The following SPTLC1 variants were observed in gnomAD, a reference collection of about 807,000 sequenced individuals.
SPTLC1 encodes serine palmitoyltransferase 1.
A neutral mutation model predicts 68.9 loss-of-function variants in SPTLC1; 55 were observed. The observed-to-expected ratio is 0.80, with a 90% CI of 0.64 to 1.00. The LOEUF is 1.00. Ranked by LOEUF, SPTLC1 falls within the 50% of genes least tolerant of loss-of-function variation. The probability of loss-of-function intolerance (pLI) is 0.00; values close to 1 mark genes in which losing one functional copy is unlikely to be tolerated. For synonymous variants in SPTLC1, 197 were observed against 201.6 expected (o/e 0.98, Z 0.19); for missense variants, 449 against 573.1 (o/e 0.78, Z 2.21).
In SPTLC1 at chr9:92,055,531, T is replaced by C. The variant is rs1320685155; in HGVS notation, c.691-37A>G. 4 of 1,602,072 alleles carry C rather than the reference T, an allele frequency of 2.5e-6. No homozygotes were observed. The East Asian group carries it at 8.9e-5, about 36-fold the overall frequency. On this transcript the variant is annotated intron_variant, in intron 7 of 14. Transcript: ENST00000262554. Reference sequence around the variant, plus strand: ...AAAAAGCAGACATCTTACATTTCAGTAACTCTGAAGACAAGATCTGTTACA... The same window carrying C: ...AAAAAGCAGACATCTTACATTTCAGCAACTCTGAAGACAAGATCTGTTACA...
chr9:92,033,988 G>T (rs1833057469), intron 14 of SPTLC1, among the ~76,000 whole-genome samples: 1 of 152,190 alleles, frequency 6.6e-6, no homozygotes, highest in South Asian at 2.1e-4. Context: ...CTGGCCTCAG[G>T]ACCCTTCTCT....
At chr9:92,045,898 T>C in intron 12 of SPTLC1, 101 bp downstream of exon 12, 1 of 1,086,696 alleles carries the variant, frequency 9.2e-7, no homozygotes, top group South Asian at 1.4e-5. Context: ...TTAGCTGCAA[T>C]CTGGTCAAAC....
chr9:92,099,881 G>T (rs1835682393), intron 3 of SPTLC1, among the ~76,000 whole-genome samples: 1 of 152,148 alleles, frequency 6.6e-6, no homozygotes, highest in Non-Finnish European at 1.5e-5. Context: ...TGTATAGTTT[G>T]TGACCTAGGA....
chr9:92,097,482 A>T (rs1835573527), intron 3 of SPTLC1, among the ~76,000 whole-genome samples: 1 of 152,246 alleles, frequency 6.6e-6, no homozygotes, highest in South Asian at 2.1e-4. Flanking sequence ...CCATACACTG[A>T]AATATTATTT....
At position 92,040,304 on chromosome 9, in the gene SPTLC1, A is replaced by G. The variant is rs185482981; in HGVS notation, c.1137-1939T>C. On this transcript the variant is annotated intron_variant, in intron 12 of 14. Transcript: ENST00000262554. The stretch of plus-strand genomic sequence containing the variant: ...ACAATCGCTTGAACCTGGGAGGCAG[A>G]GGTTGCAATGAGCTGAGATCGTGCC... 2.6e-3 allele frequency among the ~76,000 whole-genome samples: 392 copies of G among 152,184 alleles called. 2 individuals carry two copies. The highest frequency in any genetic ancestry group is 8.9e-3 in the African/African-American group (371 of 41,524).
intron 5 of SPTLC1, chr9:92,079,772 CT>C (rs1276658456): frequency 1.2e-5 from 8 of 651,632 alleles, no homozygotes; most frequent in African/African-American, 9.1e-5. Context: ...GTTCCTCACG[CT>C]GCAATCCCCA....
At chr9:92,037,100 G>A (rs1564080221) in intron 13 of SPTLC1, among the ~76,000 whole-genome samples, 3 of 152,256 alleles carry the variant, frequency 2.0e-5, no homozygotes, top group Admixed American at 1.3e-4. Context: ...TCCAGATTAC[G>A]TGGCTCAAAC....
At chr9:92,058,037 G>C (rs1366765137) in intron 7 of SPTLC1, among the ~76,000 whole-genome samples, 1 of 152,184 alleles carries the variant, frequency 6.6e-6, no homozygotes. Context: ...ACTGAAAACA[G>C]ACTAGCTTTC....
At position 92,067,971 on chromosome 9, in the gene SPTLC1, A is replaced by C. The variant is rs768355407; in HGVS notation, c.555T>G (p.Val185=). ...ACTACGTAAAGTTTACTTACACAAA[A>C]ACAATGTCCCCTCTTTTAGAGTAAG... The part of the protein sequence containing the change: ...IPAYSKRGDI[V]FVDRAACFAI... The change falls in exon 6 of 15, where the codon GTT becomes GTG. Residue 185 remains valine, a synonymous_variant. Transcript: ENST00000262554. The C allele has an allele frequency of 1.4e-5, 23 of 1,613,964 alleles. No individual in the cohort carries two copies. Among genetic ancestry groups the C allele is most frequent in the Non-Finnish European group, 1.9e-5 (23 of 1,179,982 alleles).
intron 5 of SPTLC1, among the ~76,000 whole-genome samples, chr9:92,073,066 G>A (rs1834555103): frequency 1.3e-5 from 2 of 151,740 alleles, no homozygotes; most frequent in Admixed American, 1.3e-4. Context: ...ACCTGCTCTG[G>A]CTTACAATTT....
intron 3 of SPTLC1, among the ~76,000 whole-genome samples, chr9:92,092,683 C>T (rs753577246): frequency 1.6e-4 from 24 of 152,046 alleles, no homozygotes; most frequent in Non-Finnish European, 2.5e-4. Flanking sequence ...TGCAGTGAGC[C>T]GAGATTGCGC....
At chr9:92,068,242 A>G in intron 5 of SPTLC1, 144 bp from the exon 6 acceptor site, 1 of 772,008 alleles carries the variant, frequency 1.3e-6, no homozygotes, top group East Asian at 2.7e-5. Flanking sequence ...ATGATAGATT[A>G]TACAAGATCT....
intron 3 of SPTLC1, among the ~76,000 whole-genome samples, chr9:92,097,580 T>C (rs1183881324): frequency 2.0e-5 from 3 of 152,214 alleles, no homozygotes; most frequent in Admixed American, 6.5e-5. Flanking sequence ...AAACAAAGGC[T>C]AAGTATTGTT....
intron 14 of SPTLC1, among the ~76,000 whole-genome samples, chr9:92,033,910 G>A (rs758792707): frequency 6.6e-6 from 1 of 152,180 alleles, no homozygotes; most frequent in Non-Finnish European, 1.5e-5. Context: ...ATCCTGGTCT[G>A]GCACTGTGGG....
intron 3 of SPTLC1, among the ~76,000 whole-genome samples, chr9:92,091,671 G>A (rs936233631): frequency 1.3e-5 from 2 of 152,262 alleles, no homozygotes; most frequent in Non-Finnish European, 2.9e-5. Flanking sequence ...TGGGAAAATT[G>A]TGAATCACCT....
In SPTLC1 at chr9:92,082,958, T is replaced by C. The variant is rs562919774; in HGVS notation, c.261-1995A>G. On this transcript the variant is annotated intron_variant, in intron 3 of 14. Coordinates refer to ENST00000262554, the MANE Select transcript of SPTLC1 (RefSeq NM_006415.4). ...TAACTGGTGTGAGATGGTATCTCAT[T>C]ATGGTTTTGATTTGCATTTCTCTCA... Among the ~76,000 whole-genome samples, 3 of 152,340 alleles carry C rather than the reference T, an allele frequency of 2.0e-5. No homozygotes were observed. The East Asian group carries it at 5.8e-4, about 29-fold the overall frequency.
chr9:92,097,470 AT>A (rs1835572479), intron 3 of SPTLC1, among the ~76,000 whole-genome samples: 1 of 152,262 alleles, frequency 6.6e-6, no homozygotes, highest in South Asian at 2.1e-4. Flanking sequence ...AAATGTGTGT[AT>A]CCATACACTG....
chr9:92,065,549 T>C (rs1366206738), intron 6 of SPTLC1, among the ~76,000 whole-genome samples: 1 of 152,134 alleles, frequency 6.6e-6, no homozygotes, highest in South Asian at 2.1e-4. Flanking sequence ...GTAGTATTTA[T>C]CAAAGGAAGC....
intron 2 of SPTLC1, chr9:92,110,283 G>A (rs983519152): frequency 1.3e-5 from 2 of 152,168 alleles, no homozygotes; most frequent in African/African-American, 2.4e-5. Flanking sequence ...CTTTATGAAT[G>A]TAGATTTGAT....
Sources: gnomAD v4.1 joint callset for allele counts (sites outside exome capture counted in the v4.1 genomes callset) on GRCh38, gnomAD v4.1.1 for gene constraint, MANE v1.5 for transcripts, NCBI Gene and HGNC (gene_info 2026-07-23, HGNC 2026-07-21) for gene names.